Variants in KIR2DL1 observed in about 807,000 individuals in gnomAD.
KIR2DL1 encodes killer cell immunoglobulin-like receptor 2DL1.
A neutral mutation model predicts 33.9 loss-of-function variants in KIR2DL1; 38 were observed. The observed-to-expected ratio is 1.12, with a 90% CI of 0.86 to 1.47. The LOEUF is 1.47. Ranked by LOEUF, KIR2DL1 falls within the 40% of genes most tolerant of loss-of-function variation. The pLI is 0.00. For synonymous variants in KIR2DL1, 179 were observed against 165.9 expected, an observed-to-expected ratio of 1.08 and a Z score of -0.61; for missense variants, 531 against 433.9, an observed-to-expected ratio of 1.22 and a Z score of -1.99.
At chr19:54,779,492 C>T (rs1295819184) in intron 5 of KIR2DL1, among the ~76,000 whole-genome samples, 3 of 146,196 alleles carry the variant, frequency 2.1e-5, no homozygotes, top group African/African-American at 7.5e-5. Context: ...TTCCTTACCA[C>T]ACCTCTTTCT....
rs376594211 is a variant in KIR2DL1 at position 54,777,923 on chromosome 19, A to C, written c.665-689A>C. Among the ~76,000 whole-genome samples, 58 of 148,376 alleles carry C rather than the reference A, an allele frequency of 3.9e-4. 2 individuals are homozygous for C. In the East Asian group the frequency reaches 0.011, roughly 27 times the overall value. On this transcript the variant is annotated intron_variant, in intron 4 of 7. Coordinates refer to ENST00000336077, the MANE Select transcript of KIR2DL1 (RefSeq NM_014218.3). Reference sequence around the variant, plus strand: ...GGTTTCCCTGCACTGTTTATTGAAAAGACTGTCCTTTCCTGATTGTGAGTT... The same window carrying C: ...GGTTTCCCTGCACTGTTTATTGAAACGACTGTCCTTTCCTGATTGTGAGTT...
chr19:54,780,130 C>T lies in KIR2DL1; in HGVS notation c.715+1468C>T, dbSNP rs1231601768. 1.1e-5 allele frequency: 6 copies of T among 526,252 alleles called. 2 individuals carry two copies. The highest frequency in any genetic ancestry group is 2.0e-5 in the Non-Finnish European group (6 of 300,282). 32.6% of individuals were successfully genotyped at this position (526,252 alleles called of 1,614,324 possible). ...CGTTGGCCAAGCTTGTCTGAAACTCCCAACCTCAAGTGATCCGACCGTCTC... is the reference window on the plus strand; with the variant it reads ...CGTTGGCCAAGCTTGTCTGAAACTCTCAACCTCAAGTGATCCGACCGTCTC... On this transcript the variant is annotated intron_variant, in intron 5 of 7. Coordinates refer to ENST00000336077, the MANE Select transcript of KIR2DL1 (RefSeq NM_014218.3).
intron 1 of KIR2DL1, 107 bp from the exon 2 acceptor site, chr19:54,770,742 T>A: frequency 6.8e-7 from 1 of 1,463,074 alleles, no homozygotes; most frequent in East Asian, 2.3e-5. Context: ...TGAGTTTACC[T>A]TCAGCCCAGG....
chr19:54,771,906 C>G (rs2075772195), intron 2 of KIR2DL1, among the ~76,000 whole-genome samples: 1 of 147,652 alleles, frequency 6.8e-6, no homozygotes, highest in Non-Finnish European at 1.5e-5. Flanking sequence ...CAGAGGGCTC[C>G]TGTCTGGGAT....
chr19:54,772,657 G>A (rs2075874641), intron 2 of KIR2DL1, among the ~76,000 whole-genome samples: 1 of 144,636 alleles, frequency 6.9e-6, no homozygotes, highest in South Asian at 2.2e-4. Flanking sequence ...AGTGAGCCTA[G>A]ACCACACCAC....
At chr19:54,775,889 C>A (rs1255351316) in intron 4 of KIR2DL1, among the ~76,000 whole-genome samples, 2 of 148,010 alleles carry the variant, frequency 1.4e-5, no homozygotes, top group Non-Finnish European at 1.5e-5. Context: ...ATATAGCTTA[C>A]CACTTTTAAC....
Position 54,771,952 on chromosome 19 carries a change from G to C in KIR2DL1, c.70+1068G>C, listed in dbSNP as rs547535857. On this transcript the variant is annotated intron_variant, in intron 2 of 7. Transcript: ENST00000336077. ...CCACCTCCTGAATCCCAGAGCTCCT[G>C]GTGGGCGTGTCCTTGCGGGTCCCAT... is the stretch of plus-strand genomic sequence containing the variant. Among the ~76,000 whole-genome samples, 94 of 148,044 alleles carry C rather than the reference G, an allele frequency of 6.3e-4. 3 individuals carry two copies. Among genetic ancestry groups the C allele is most frequent in the African/African-American group, 2.3e-3 (93 of 40,602 alleles).
At chr19:54,778,236 G>C (rs1244553464) in intron 4 of KIR2DL1, among the ~76,000 whole-genome samples, 3 of 149,390 alleles carry the variant, frequency 2.0e-5, no homozygotes, top group Admixed American at 6.8e-5. Flanking sequence ...TCCAGCCTGA[G>C]TGACAGAGCA....
intron 1 of KIR2DL1, among the ~76,000 whole-genome samples, chr19:54,770,265 G>A (rs2075522116): frequency 1.4e-5 from 2 of 144,354 alleles, no homozygotes; most frequent in Middle Eastern, 3.6e-3. Context: ...TGGAGACATG[G>A]GCCTGGAGTG....
intron 2 of KIR2DL1, among the ~76,000 whole-genome samples, chr19:54,771,448 G>T (rs994841218): frequency 6.8e-6 from 1 of 147,990 alleles, no homozygotes; most frequent in Non-Finnish European, 1.5e-5. Context: ...TTTTGTTGTA[G>T]GGAGACACCT....
chr19:54,774,971 G>A (rs2076151828), intron 3 of KIR2DL1, among the ~76,000 whole-genome samples, 194 bp from the exon 4 acceptor site: 1 of 148,218 alleles, frequency 6.7e-6, no homozygotes, highest in African/African-American at 2.5e-5. Context: ...TAGAGGTGGG[G>A]AAGTGAGGTC....
At chr19:54,776,289 C>A (rs1189870565) in intron 4 of KIR2DL1, among the ~76,000 whole-genome samples, 299 of 147,518 alleles carry the variant, frequency 2.0e-3, no homozygotes, top group African/African-American at 7.3e-3. Flanking sequence ...TTCTTCCTGT[C>A]CTCCAGTAGC....
At position 54,773,524 on chromosome 19, in the gene KIR2DL1, A is replaced by C. The variant is rs79002558; in HGVS notation, c.262A>C (p.Ser88Arg). 1 of 1,261,498 alleles carries C rather than the reference A, an allele frequency of 7.9e-7. No homozygotes were observed. Among genetic ancestry groups the C allele is most frequent in the African/African-American group, 1.6e-5 (1 of 63,838 alleles). The allele number at this position is 1,261,498 out of a possible 1,614,324, so 78.1% of individuals were successfully genotyped here. A position where few individuals can be genotyped will look rare whatever the true frequency, so the allele number is the denominator to read the frequency against. ...DGVSKANFSISRMTQDLAGTY... is the reference protein window; with the variant it reads ...DGVSKANFSIRRMTQDLAGTY... ...GGTCTCCAAGGCCAACTTCTCCATCAGTCGCATGACGCAAGACCTGGCAGG... is the reference window on the plus strand; with the variant it reads ...GGTCTCCAAGGCCAACTTCTCCATCCGTCGCATGACGCAAGACCTGGCAGG... The change falls in exon 3 of 8, where the codon AGT becomes CGT. Residue 88 changes from serine to arginine, a missense_variant. Transcript: ENST00000336077.
chr19:54,770,710 G>T, intron 1 of KIR2DL1, 139 bp from the exon 2 acceptor site: 3 of 1,249,736 alleles, frequency 2.4e-6, no homozygotes, highest in East Asian at 2.4e-5. Flanking sequence ...CCCTGTTCTT[G>T]GGTGCAGGTA....
At chr19:54,778,563 G>A in intron 4 of KIR2DL1, 49 bp from the exon 5 acceptor site, 1 of 1,465,352 alleles carries the variant, frequency 6.8e-7, no homozygotes, top group Non-Finnish European at 9.4e-7. Flanking sequence ...CCACTGAGTG[G>A]AGGACAGACA....
intron 2 of KIR2DL1, among the ~76,000 whole-genome samples, chr19:54,772,775 A>AGG (rs1569164673): frequency 1.4e-3 from 188 of 134,710 alleles, no homozygotes; most frequent in South Asian, 6.1e-3. Context: ...AGCAAGGCTC[A>AGG]GATGATGATG....
intron 3 of KIR2DL1, 109 bp from the exon 4 acceptor site, chr19:54,775,056 G>C: frequency 2.2e-6 from 3 of 1,350,570 alleles, no homozygotes; most frequent in East Asian, 2.3e-5. Flanking sequence ...GTGAGAGAGA[G>C]AGAGAGAGAG....
intron 2 of KIR2DL1, among the ~76,000 whole-genome samples, chr19:54,772,309 A>G (rs919750001): frequency 1.4e-5 from 2 of 147,604 alleles, no homozygotes; most frequent in African/African-American, 5.0e-5. Context: ...TCCAGGAGCC[A>G]TGAATGCAGG....
chr19:54,778,416 T>C (rs1209444703), intron 4 of KIR2DL1, among the ~76,000 whole-genome samples, 196 bp from the exon 5 acceptor site: 1 of 147,854 alleles, frequency 6.8e-6, no homozygotes, highest in South Asian at 2.1e-4. Context: ...AGTGTGATGC[T>C]CCTGTTTTCT....
Sources: gnomAD v4.1 joint callset for allele counts (sites outside exome capture counted in the v4.1 genomes callset) on GRCh38, gnomAD v4.1.1 for gene constraint, MANE v1.5 for transcripts, NCBI Gene and HGNC (gene_info 2026-07-23, HGNC 2026-07-21) for gene names.